Variants in CLHC1 observed in about 807,000 individuals in gnomAD.
The protein encoded by CLHC1 is clathrin heavy chain linker domain containing 1.
Under a neutral mutation model 69.5 loss-of-function variants are expected in CLHC1, and 72 were observed. The ratio of observed to expected loss-of-function variants is 1.04; its 90% confidence interval spans 0.86 to 1.26. CLHC1 has a LOEUF of 1.26. CLHC1 is among the 50% of genes most tolerant of loss of function. The probability of loss-of-function intolerance (pLI) is 0.00; values close to 1 mark genes in which losing one functional copy is unlikely to be tolerated. For missense variants in CLHC1, 790 were observed against 679.3 expected (o/e 1.16, Z -1.81); for synonymous variants, 223 against 224.3 (o/e 0.99, Z 0.05).
intron 9 of CLHC1, among the ~76,000 whole-genome samples, chr2:55,182,356 T>C (rs1293955887): frequency 1.3e-5 from 2 of 152,194 alleles, no homozygotes; most frequent in East Asian, 1.9e-4. Context: ...GAAATTTACA[T>C]GTAGATTCAG....
chr2:55,217,547 AAAAAAATATATATATATATATAT>A (rs1258645384), intron 4 of CLHC1, among the ~76,000 whole-genome samples: 2 of 73,128 alleles, frequency 2.7e-5, no homozygotes, highest in African/African-American at 1.4e-4. Flanking sequence ...AAAAAAAAAA[AAAAAAATATATATATATATATAT>A]ATATATATAT....
In CLHC1 at chr2:55,173,205, G is replaced by C. The variant is rs953140690; in HGVS notation, c.*2585C>G. 8.5e-5 allele frequency among the ~76,000 whole-genome samples: 13 copies of C among 152,194 alleles called. No individual in the cohort carries two copies. Among genetic ancestry groups the C allele is most frequent in the Admixed American group, 5.2e-4 (8 of 15,286 alleles). ...GACCTAATAGAACACATGAACGTTG[G>C]TTAAATCTTCATTGGAACAATTCAA... is the stretch of plus-strand genomic sequence containing the variant. On this transcript the variant is annotated 3_prime_UTR_variant, in exon 13 of 13. Transcript: ENST00000401408.
At chr2:55,220,617 T>G (rs928275687) in intron 3 of CLHC1, among the ~76,000 whole-genome samples, 2 of 152,190 alleles carry the variant, frequency 1.3e-5, no homozygotes, top group African/African-American at 4.8e-5. Context: ...GAATTAAATT[T>G]ACCAACAATA....
chr2:55,176,048 T>C, intron 12 of CLHC1, 62 bp from the exon 13 acceptor site: 1 of 1,357,518 alleles, frequency 7.4e-7, no homozygotes, highest in South Asian at 1.3e-5. Flanking sequence ...ACTTTAGTGA[T>C]TCTTCAAAAA....
chr2:55,215,738 A>C (rs1673431379), intron 4 of CLHC1, among the ~76,000 whole-genome samples: 1 of 152,076 alleles, frequency 6.6e-6, no homozygotes, highest in African/African-American at 2.4e-5. Context: ...AAAAACTGAA[A>C]ATTATGGTCA....
chr2:55,217,907 C>G lies in CLHC1; in HGVS notation c.269G>C (p.Arg90Thr), dbSNP rs1673735218. 1.2e-6 allele frequency: 2 copies of G among 1,603,024 alleles called. No homozygotes were observed. Among genetic ancestry groups the G allele is most frequent in the African/African-American group, 2.7e-5 (2 of 74,272 alleles). Residue 90 changes from arginine to threonine, a missense_variant, in exon 4 of 13, where the codon AGA (arginine) becomes ACA (threonine). Coordinates refer to ENST00000401408, the MANE Select transcript of CLHC1 (RefSeq NM_152385.4). ...AFIETIKKDR[R>T]TTFCLHGKLK... ...TTTTCCATGAAGACAAAATGTAGTT[C>G]TTCGGTCTTTCTTTATTGTCTCAAT...
At chr2:55,185,073 A>C (rs887237573) in intron 9 of CLHC1, among the ~76,000 whole-genome samples, 1 of 152,170 alleles carries the variant, frequency 6.6e-6, no homozygotes, top group Non-Finnish European at 1.5e-5. Context: ...CATTAAAATC[A>C]TTAAAATAAT....
chr2:55,188,628 C>G (rs138439748), intron 9 of CLHC1, among the ~76,000 whole-genome samples: 1 of 151,978 alleles, frequency 6.6e-6, no homozygotes, highest in Non-Finnish European at 1.5e-5. Flanking sequence ...TACATACATG[C>G]ACCAGGATAT....
At chr2:55,197,303 T>C (rs1394782128) in intron 9 of CLHC1, among the ~76,000 whole-genome samples, 2 of 152,202 alleles carry the variant, frequency 1.3e-5, no homozygotes, top group African/African-American at 2.4e-5. Flanking sequence ...CAAGCCTGGA[T>C]GGCTTCACCA....
At chr2:55,183,316 G>T (rs1202679240) in intron 9 of CLHC1, among the ~76,000 whole-genome samples, 3 of 152,140 alleles carry the variant, frequency 2.0e-5, no homozygotes, top group African/African-American at 7.2e-5. Context: ...AAAGCTATGT[G>T]ACATGACCAA....
intron 11 of CLHC1, among the ~76,000 whole-genome samples, chr2:55,179,240 C>T (rs1669684637): frequency 1.3e-5 from 2 of 152,142 alleles, no homozygotes. Context: ...ATGCCAGATT[C>T]TGTCCTGTCA....
intron 4 of CLHC1, among the ~76,000 whole-genome samples, chr2:55,213,256 G>A (rs879519816): frequency 1.3e-5 from 2 of 152,148 alleles, no homozygotes; most frequent in Non-Finnish European, 2.9e-5. Context: ...TGGCAGAGCC[G>A]TGCTTCCTTC....
chr2:55,187,624 T>A (rs1670541356), intron 9 of CLHC1, among the ~76,000 whole-genome samples: 4 of 151,182 alleles, frequency 2.6e-5, no homozygotes, highest in Admixed American at 2.6e-4. Context: ...AAAAAAAAAA[T>A]TATTAAAGAA....
chr2:55,185,493 A>G (rs1670337500), intron 9 of CLHC1, among the ~76,000 whole-genome samples: 1 of 152,152 alleles, frequency 6.6e-6, no homozygotes, highest in Non-Finnish European at 1.5e-5. Flanking sequence ...CCTTTTTTGA[A>G]TTTCCAGAGA....
chr2:55,199,753 TA>T (rs1573668606), intron 9 of CLHC1, among the ~76,000 whole-genome samples: 1 of 151,456 alleles, frequency 6.6e-6, no homozygotes, highest in African/African-American at 2.4e-5. Flanking sequence ...ACTCAAAAAA[TA>T]AAAAGCAAGA....
intron 9 of CLHC1, among the ~76,000 whole-genome samples, chr2:55,187,974 G>A (rs1308448333): frequency 1.3e-5 from 2 of 152,118 alleles, no homozygotes; most frequent in East Asian, 3.9e-4. Context: ...GCAGCAAAAT[G>A]GGCAAAAGAT....
chr2:55,189,235 AT>A (rs1670694619), intron 9 of CLHC1, among the ~76,000 whole-genome samples: 1 of 152,184 alleles, frequency 6.6e-6, no homozygotes, highest in Non-Finnish European at 1.5e-5. Flanking sequence ...AATTAACACA[AT>A]ATAAGATTGA....
intron 9 of CLHC1, among the ~76,000 whole-genome samples, chr2:55,193,475 T>A (rs1671119936): frequency 1.3e-5 from 2 of 152,070 alleles, no homozygotes; most frequent in African/African-American, 4.8e-5. Flanking sequence ...AATTTACAAA[T>A]GAGCAAAGGA....
intron 9 of CLHC1, among the ~76,000 whole-genome samples, chr2:55,196,637 G>A (rs895388602): frequency 6.6e-6 from 1 of 152,268 alleles, no homozygotes; most frequent in African/African-American, 2.4e-5. Flanking sequence ...ATCCTGGCAG[G>A]ACTCATCACC....
Sources: allele counts gnomAD v4.1 joint callset (sites outside exome capture counted in the v4.1 genomes callset), GRCh38; gene constraint gnomAD v4.1.1; transcripts MANE v1.5; gene names NCBI Gene and HGNC (gene_info 2026-07-23, HGNC 2026-07-21).